Variants in RPS8 observed in about 807,000 individuals in gnomAD.
RPS8 encodes the protein small ribosomal subunit protein eS8.
For synonymous variants in RPS8, 100 were observed against 100.7 expected, an observed-to-expected ratio of 0.99 and a Z score of 0.04; for missense variants, 141 against 269.7, an observed-to-expected ratio of 0.52 and a Z score of 3.34.
Position 44,775,959 on chromosome 1 carries a change from G to C in RPS8, c.5-75G>C, listed in dbSNP as rs771786091. On this transcript the variant is annotated intron_variant, in intron 1 of 5. Transcript: ENST00000396651. ...TGAGCGTGCGACCGGCCCGGCGCGG[G>C]GGTCTCCGGGAGCTGGCGAGTCGCT... 1.1e-5 allele frequency: 16 copies of C among 1,392,648 alleles called. No homozygotes were observed. The African/African-American group carries it at 2.0e-4, about 17-fold the overall frequency. The allele number at this position is 1,392,648 out of a possible 1,614,324, so 86.3% of individuals were successfully genotyped here.
intron 3 of RPS8, chr1:44,777,262 G>A (rs1013107784): frequency 4.3e-6 from 1 of 235,248 alleles, no homozygotes; most frequent in African/African-American, 2.3e-5. Flanking sequence ...GTAGAGACGG[G>A]GTTTCACCAT....
intron 4 of RPS8, 72 bp from the exon 5 acceptor site, chr1:44,777,928 G>A: frequency 6.3e-7 from 1 of 1,596,116 alleles, no homozygotes; most frequent in Non-Finnish European, 8.6e-7. Flanking sequence ...GCACTGGGGT[G>A]TGCAGGGTTC....
intron 1 of RPS8, 190 bp from the exon 2 acceptor site, chr1:44,775,844 G>A (rs1368178697): frequency 1.3e-6 from 1 of 794,704 alleles, no homozygotes; most frequent in African/African-American, 1.7e-5. Flanking sequence ...CCGCGAGGAG[G>A]AGGCCCCGGC....
chr1:44,776,161 G>C (rs1161307850), intron 2 of RPS8, 21 bp downstream of exon 2: 3 of 1,546,002 alleles, frequency 1.9e-6, no homozygotes, highest in Non-Finnish European at 2.6e-6. Flanking sequence ...GCGTGGGCCT[G>C]TCCGCCTGGG....
intron 5 of RPS8, 93 bp from the exon 6 acceptor site, chr1:44,778,483 G>A (rs1650945571): frequency 2.0e-6 from 2 of 1,023,064 alleles, no homozygotes; most frequent in Non-Finnish European, 3.1e-6. Context: ...CTTGCCCCCA[G>A]GGTACCTGAA....
intron 3 of RPS8, 60 bp downstream of exon 3, chr1:44,776,834 C>A (rs1650871959): frequency 1.5e-6 from 2 of 1,333,022 alleles, no homozygotes; most frequent in Admixed American, 2.3e-5. Context: ...TAAGATTCAC[C>A]AAGTGGGCCT....
intron 5 of RPS8, 40 bp downstream of exon 5, chr1:44,778,169 A>AT: frequency 1.3e-6 from 2 of 1,588,674 alleles, no homozygotes; most frequent in East Asian, 4.5e-5. Flanking sequence ...AGTCGCAGAG[A>AT]TTGAGTGTGC....
intron 2 of RPS8, 33 bp from the exon 3 acceptor site, chr1:44,776,642 G>C: frequency 6.3e-7 from 1 of 1,592,360 alleles, no homozygotes; most frequent in Non-Finnish European, 8.6e-7. Flanking sequence ...GCTCTCCTTG[G>C]TAACCTAGTT....
At chr1:44,778,370 T>C in intron 5 of RPS8, 1 of 794,194 alleles carries the variant, frequency 1.3e-6, no homozygotes, top group Non-Finnish European at 2.3e-6. Flanking sequence ...GGGAAGTCTC[T>C]GCCCAGGCTG....
At chr1:44,777,913 G>A in intron 4 of RPS8, 87 bp from the exon 5 acceptor site, 1 of 1,578,756 alleles carries the variant, frequency 6.3e-7, no homozygotes, top group Non-Finnish European at 8.7e-7. Flanking sequence ...GGCTGAGGAA[G>A]GCCAGCACTG....
Position 44,776,020 on chromosome 1 carries a change from G to T in RPS8, c.5-14G>T. The T allele has an allele frequency of 6.2e-7, 1 of 1,612,346 alleles. No individual in the cohort carries two copies. Among genetic ancestry groups the T allele is most frequent in the Non-Finnish European group, 8.5e-7 (1 of 1,178,798 alleles). On this transcript the variant is annotated splice_polypyrimidine_tract_variant and intron_variant, in intron 1 of 5. Transcript: ENST00000396651. ...CACAGTGGCTCAAGCTTCCTTCCCC[G>T]CTTCCACATGCAGGCATCTCTCGGG...
chr1:44,776,894 G>C (rs911781073), intron 3 of RPS8, 120 bp downstream of exon 3: 1 of 652,836 alleles, frequency 1.5e-6, no homozygotes, highest in Non-Finnish European at 2.5e-6. Flanking sequence ...GGCCGAGGCG[G>C]GCGGATCACC....
Position 44,776,153 on chromosome 1 carries a change from G to C in RPS8, c.111+13G>C. 1 of 1,575,038 alleles carries C rather than the reference G, an allele frequency of 6.3e-7. No homozygotes were observed. The highest frequency in any genetic ancestry group is 8.6e-7 in the Non-Finnish European group (1 of 1,161,812). ...TGCCAACACCAAGGTGGGTGCGAGC[G>C]TGGGCCTGTCCGCCTGGGAGGTCGC... On this transcript the variant is annotated intron_variant, in intron 2 of 5. Transcript: ENST00000396651.
chr1:44,776,602 C>G, intron 2 of RPS8, 73 bp from the exon 3 acceptor site: 1 of 1,282,872 alleles, frequency 7.8e-7, no homozygotes, highest in Non-Finnish European at 1.1e-6. Context: ...TGCCTCCTCC[C>G]GGCCCAGGTT....
chr1:44,776,584 C>G, intron 2 of RPS8, 91 bp from the exon 3 acceptor site: 2 of 1,058,218 alleles, frequency 1.9e-6, no homozygotes, highest in Non-Finnish European at 3.0e-6. Flanking sequence ...CATAGTTACA[C>G]TGACTGTTGC....
At chr1:44,778,539 C>T (rs1650947661) in intron 5 of RPS8, 37 bp from the exon 6 acceptor site, 1 of 1,556,286 alleles carries the variant, frequency 6.4e-7, no homozygotes. Flanking sequence ...GTAGGGCCAC[C>T]TTGTCGTTGT....
At chr1:44,776,413 T>C in intron 2 of RPS8, 1 of 739,222 alleles carries the variant, frequency 1.4e-6, no homozygotes, top group Non-Finnish European at 2.5e-6. Context: ...CCTCGCGTCA[T>C]AGTCAGAAGC....
intron 1 of RPS8, 189 bp downstream of exon 1, chr1:44,775,789 TTCCGGGCCGCGGGCTGCGGGC>T: frequency 1.1e-6 from 1 of 880,748 alleles, no homozygotes. Flanking sequence ...GGGCTCCGGG[TTCCGGGCCGCGGGCTGCGGGC>T]TCCGAGCGGC....
intron 3 of RPS8, chr1:44,777,163 C>A: frequency 4.7e-6 from 1 of 211,330 alleles, no homozygotes; most frequent in Non-Finnish European, 9.6e-6. Flanking sequence ...CCTCCGCCTC[C>A]TGGGTTGAAG....
Sources: allele counts gnomAD v4.1 joint callset, GRCh38; gene constraint gnomAD v4.1.1; transcripts MANE v1.5; gene names NCBI Gene and HGNC (gene_info 2026-07-23, HGNC 2026-07-21).